CCSER2: variants seen among roughly 807,000 people sequenced by gnomAD.
CCSER2 encodes the protein serine-rich coiled-coil domain-containing protein 2.
Under a neutral mutation model 92.3 loss-of-function variants are expected in CCSER2, and 46 were observed. That is an observed-to-expected ratio of 0.50 (90% CI 0.39 to 0.64). The LOEUF is 0.64. Ranked by LOEUF, CCSER2 falls within the 30% of genes least tolerant of loss-of-function variation. CCSER2 has a pLI of 0.00. For missense variants in CCSER2, 1,244 were observed against 1,238.9 expected, an observed-to-expected ratio of 1.00 and a Z score of -0.06; for synonymous variants, 433 against 431.4, an observed-to-expected ratio of 1.00 and a Z score of -0.04.
At chr10:84,443,117 C>G (rs1040292212) in intron 6 of CCSER2, among the ~76,000 whole-genome samples, 3 of 152,110 alleles carry the variant, frequency 2.0e-5, no homozygotes, top group African/African-American at 7.2e-5. Context: ...ACACCAAAAG[C>G]GATGGCAGCA....
rs1754151500 is a variant in CCSER2 at position 84,371,729 on chromosome 10, A to T, written c.677A>T (p.His226Leu). ...EKMVRSQSFS[H>L]SIQNSFLPPS... ...ATGGTAAGGTCACAAAGTTTTTCAC[A>T]TTCCATTCAGAATTCATTCCTTCCA... The change falls in exon 2 of 10, where the codon CAT becomes CTT. Residue 226 changes from histidine to leucine, a missense_variant. Coordinates refer to ENST00000372088, the MANE Select transcript of CCSER2 (RefSeq NM_001284240.2). 6.2e-7 allele frequency: 1 copy of T among 1,613,482 alleles called. No homozygotes were observed. Among genetic ancestry groups the T allele is most frequent in the Non-Finnish European group, 8.5e-7 (1 of 1,179,806 alleles).
Position 84,470,471 on chromosome 10 carries a change from G to C in CCSER2, c.2235+13G>C. On this transcript the variant is annotated intron_variant, in intron 8 of 9. Coordinates refer to ENST00000372088, the MANE Select transcript of CCSER2 (RefSeq NM_001284240.2). ...AGAACTTCAGCTTGTAAGTATTGTAGTATAATGTATAGAGACTTTTCAAAC... is the reference window on the plus strand; with the variant it reads ...AGAACTTCAGCTTGTAAGTATTGTACTATAATGTATAGAGACTTTTCAAAC... The C allele has an allele frequency of 7.1e-7, 1 of 1,405,416 alleles. No homozygotes were observed. Among genetic ancestry groups the C allele is most frequent in the Non-Finnish European group, 9.4e-7 (1 of 1,062,330 alleles). 87.1% of individuals were successfully genotyped at this position (1,405,416 alleles called of 1,614,324 possible).
At chr10:84,473,880 T>A (rs1846969513) in intron 8 of CCSER2, among the ~76,000 whole-genome samples, 1 of 152,326 alleles carries the variant, frequency 6.6e-6, no homozygotes, top group East Asian at 1.9e-4. Context: ...AATTTCCCTT[T>A]CAGTTATAGC....
At chr10:84,496,865 C>T (rs1483434936) in intron 9 of CCSER2, among the ~76,000 whole-genome samples, 3 of 152,026 alleles carry the variant, frequency 2.0e-5, no homozygotes, top group Non-Finnish European at 4.4e-5. Flanking sequence ...TTCTCTCTAC[C>T]TTTCAGAATA....
intron 3 of CCSER2, among the ~76,000 whole-genome samples, chr10:84,408,458 T>C (rs1280319089): frequency 6.6e-6 from 1 of 152,178 alleles, no homozygotes; most frequent in Non-Finnish European, 1.5e-5. Flanking sequence ...CCTTCCTTCT[T>C]TCCTTCCGTG....
intron 6 of CCSER2, among the ~76,000 whole-genome samples, chr10:84,457,553 TTATTATATATAAATTTATATTTATA>T (rs1165650616): frequency 7.7e-5 from 9 of 116,732 alleles, no homozygotes; most frequent in East Asian, 2.2e-4. Context: ...ATAATGTATA[TTATTATATATAAATTTATATTTATA>T]TATTATATAT....
chr10:84,390,401 C>G (rs916222404), intron 3 of CCSER2, among the ~76,000 whole-genome samples: 4 of 152,126 alleles, frequency 2.6e-5, no homozygotes, highest in African/African-American at 9.7e-5. Context: ...CTACTATACA[C>G]CTAGGCTATG....
intron 4 of CCSER2, chr10:84,425,305 G>C (rs913013895): frequency 7.2e-6 from 2 of 278,918 alleles, no homozygotes; most frequent in Non-Finnish European, 1.1e-5. Context: ...AAAATTAATT[G>C]TAGCAGTCCT....
chr10:84,390,964 C>T lies in CCSER2; in HGVS notation c.1614+17149C>T. Reference sequence around the variant, plus strand: ...TCACTTTGCTTATATACTTGATACCCTGGTCTTTGCATTTAGTAAATACCA... The same window carrying T: ...TCACTTTGCTTATATACTTGATACCTTGGTCTTTGCATTTAGTAAATACCA... On this transcript the variant is annotated intron_variant, in intron 3 of 9. Transcript: ENST00000372088. 4 of 764,980 alleles carry T rather than the reference C, an allele frequency of 5.2e-6. No individual in the cohort carries two copies. The South Asian group carries it at 5.4e-5, about 10-fold the overall frequency. The allele number at this position is 764,980 out of a possible 1,614,324, so 47.4% of individuals were successfully genotyped here.
intron 3 of CCSER2, among the ~76,000 whole-genome samples, chr10:84,395,815 G>A (rs1489618635): frequency 6.6e-6 from 1 of 152,116 alleles, no homozygotes; most frequent in Non-Finnish European, 1.5e-5. Context: ...AATATTCCAG[G>A]CTTATCTTGT....
At chr10:84,469,480 AAT>A (rs1238322965) in intron 7 of CCSER2, among the ~76,000 whole-genome samples, 3 of 152,088 alleles carry the variant, frequency 2.0e-5, no homozygotes, top group Non-Finnish European at 4.4e-5. Context: ...TGTTAAAGAG[AAT>A]ATATGTTTTT....
At chr10:84,494,140 C>A (rs1465543072) in intron 9 of CCSER2, among the ~76,000 whole-genome samples, 1 of 152,176 alleles carries the variant, frequency 6.6e-6, no homozygotes, top group East Asian at 1.9e-4. Context: ...CTGCTCACCT[C>A]CTGCTGTGTT....
intron 6 of CCSER2, among the ~76,000 whole-genome samples, chr10:84,457,320 ATTATATATAATATATTATATAT>A (rs1845757197): frequency 2.5e-5 from 2 of 80,662 alleles, no homozygotes; most frequent in Non-Finnish European, 4.4e-5. Context: ...TATATAATAT[ATTATATATAATATATTATATAT>A]TATATATAAT....
chr10:84,444,191 T>C (rs1160350728), intron 6 of CCSER2, among the ~76,000 whole-genome samples: 1 of 152,048 alleles, frequency 6.6e-6, no homozygotes, highest in Non-Finnish European at 1.5e-5. Flanking sequence ...AAGACATAGA[T>C]AGATTTAGGG....
chr10:84,450,777 ATAGC>A (rs1845231587), intron 6 of CCSER2, among the ~76,000 whole-genome samples: 1 of 152,220 alleles, frequency 6.6e-6, no homozygotes, highest in Non-Finnish European at 1.5e-5. Flanking sequence ...AGTAATCAAG[ATAGC>A]TAGCTTATAG....
In CCSER2 at chr10:84,442,618, C is replaced by T. The variant is rs577869405; in HGVS notation, c.2064+3911C>T. On this transcript the variant is annotated intron_variant, in intron 6 of 9. Transcript: ENST00000372088. Reference sequence around the variant, plus strand: ...CTCTTTTCTCATTTCTAATTCTCCACGAATTATTGTTTCTGGGGGGAAGAA... The same window carrying T: ...CTCTTTTCTCATTTCTAATTCTCCATGAATTATTGTTTCTGGGGGGAAGAA... Among the ~76,000 whole-genome samples, 12 of 152,106 alleles carry T rather than the reference C, an allele frequency of 7.9e-5. No homozygotes were observed. The East Asian group carries it at 9.6e-4, about 12-fold the overall frequency.
chr10:84,497,964 A>G (rs1055263705), intron 9 of CCSER2, among the ~76,000 whole-genome samples: 31 of 152,340 alleles, frequency 2.0e-4, no homozygotes, highest in African/African-American at 6.5e-4. Flanking sequence ...CATCTGACAA[A>G]TAAGGAAACT....
intron 9 of CCSER2, among the ~76,000 whole-genome samples, chr10:84,487,680 C>T (rs1237396051): frequency 2.0e-5 from 3 of 152,190 alleles, no homozygotes; most frequent in Non-Finnish European, 4.4e-5. Flanking sequence ...ATTATGTCAT[C>T]TGCAAACAGG....
intron 1 of CCSER2, among the ~76,000 whole-genome samples, chr10:84,350,227 G>T (rs943949328): frequency 6.6e-6 from 1 of 152,110 alleles, no homozygotes; most frequent in East Asian, 1.9e-4. Context: ...TTTCCACTGC[G>T]CCAGAGCACT....
Sources: allele counts gnomAD v4.1 joint callset (sites outside exome capture counted in the v4.1 genomes callset), GRCh38; gene constraint gnomAD v4.1.1; transcripts MANE v1.5; gene names NCBI Gene and HGNC (gene_info 2026-07-23, HGNC 2026-07-21).